The following SLCO3A1 variants were observed in gnomAD, a reference collection of about 807,000 sequenced individuals.
SLCO3A1 encodes PGE1 transporter.
In SLCO3A1, 27 loss-of-function variants were observed where a neutral mutation model predicts 63.1. The ratio of observed to expected loss-of-function variants is 0.43; its 90% CI spans 0.32 to 0.59. The LOEUF (loss-of-function observed/expected upper bound fraction) is 0.59, where lower values mean the gene tolerates loss of function less well. SLCO3A1 is among the 20% of genes least tolerant of loss of function. SLCO3A1 has a pLI of 0.09. For synonymous variants in SLCO3A1, 473 were observed against 409.9 expected, an observed-to-expected ratio of 1.15 and a Z score of -1.86; for missense variants, 773 against 945.8, an observed-to-expected ratio of 0.82 and a Z score of 2.40.
At chr15:91,903,802 T>G (rs1898222477) in intron 1 of SLCO3A1, among the ~76,000 whole-genome samples, 1 of 152,196 alleles carries the variant, frequency 6.6e-6, no homozygotes, top group Admixed American at 6.5e-5. Context: ...TTGACTGAGG[T>G]GTACCGAGCA....
rs1339436845 is a variant in SLCO3A1, at chr15:91,900,589, A to G, written c.181-15404A>G. Among the ~76,000 whole-genome samples, 1 of 152,130 alleles carries G rather than the reference A, an allele frequency of 6.6e-6. No individual in the cohort carries two copies. The highest frequency in any genetic ancestry group is 2.4e-5 in the African/African-American group (1 of 41,412). On this transcript the variant is annotated intron_variant, in intron 1 of 9. Coordinates refer to ENST00000318445, the MANE Select transcript of SLCO3A1 (RefSeq NM_013272.4). The surrounding 1 kb of genome is among the most constrained non-coding windows in gnomAD (Gnocchi z 4.3). ...GGTGATCCGCCCGCCTTGGCCTCCC[A>G]AAGTGCTGGGATTACAGGTGTGAGC...
At chr15:92,025,501 A>G (rs1384921438) in intron 2 of SLCO3A1, among the ~76,000 whole-genome samples, 1 of 152,226 alleles carries the variant, frequency 6.6e-6, no homozygotes, top group Non-Finnish European at 1.5e-5. Flanking sequence ...TACTGTGGCT[A>G]GCAAACATAT....
At chr15:91,892,797 T>A (rs1056418068) in intron 1 of SLCO3A1, among the ~76,000 whole-genome samples, 1 of 152,234 alleles carries the variant, frequency 6.6e-6, no homozygotes, top group African/African-American at 2.4e-5. Context: ...CCCCAGTAAG[T>A]TTCTGAAATC....
intron 2 of SLCO3A1, among the ~76,000 whole-genome samples, chr15:92,057,104 T>G (rs2047030650): frequency 1.3e-5 from 2 of 152,196 alleles, no homozygotes; most frequent in Non-Finnish European, 2.9e-5. Flanking sequence ...TGCTCTGCTG[T>G]GCCCGTCTCA....
At chr15:92,151,499 A>G (rs952558536) in intron 9 of SLCO3A1, among the ~76,000 whole-genome samples, 1 of 152,134 alleles carries the variant, frequency 6.6e-6, no homozygotes, top group Non-Finnish European at 1.5e-5. Flanking sequence ...CCTTCATGCT[A>G]TAGGGCCCAC....
At chr15:91,929,684 A>G (rs796317600) in intron 2 of SLCO3A1, among the ~76,000 whole-genome samples, 13 of 152,300 alleles carry the variant, frequency 8.5e-5, no homozygotes, top group African/African-American at 2.4e-4. Flanking sequence ...TACCTCTTCA[A>G]CAACAACTCC....
At chr15:91,926,573 G>GTA (rs1413995881) in intron 2 of SLCO3A1, among the ~76,000 whole-genome samples, 2 of 96,592 alleles carry the variant, frequency 2.1e-5, no homozygotes, top group African/African-American at 9.2e-5. Context: ...GTGTGTGTGT[G>GTA]TGTGTGTGTG....
rs192406287 is a variant in SLCO3A1, at chr15:92,088,665, A to G, written c.647-6216A>G. Among the ~76,000 whole-genome samples the G allele has an allele frequency of 2.4e-3, 365 of 152,314 alleles. 4 individuals are homozygous for G. The highest frequency in any genetic ancestry group is 7.8e-3 in the African/African-American group (324 of 41,560). ...TGTTTTGTTGCCTTCTCCAGCTTCT[A>G]TAGGCTGCCCACAAGCTTTGGCTCA... On this transcript the variant is annotated intron_variant, in intron 2 of 9. Transcript: ENST00000318445.
At chr15:91,977,562 G>T (rs557106800) in intron 2 of SLCO3A1, among the ~76,000 whole-genome samples, 1 of 152,284 alleles carries the variant, frequency 6.6e-6, no homozygotes, top group South Asian at 2.1e-4. Context: ...TAAGCTATGA[G>T]GACATAAAGG....
intron 4 of SLCO3A1, among the ~76,000 whole-genome samples, chr15:92,112,935 T>G (rs984934284): frequency 6.6e-6 from 1 of 152,216 alleles, no homozygotes; most frequent in Non-Finnish European, 1.5e-5. Flanking sequence ...CCTCCATTGT[T>G]GGAGTTTTCA....
intron 2 of SLCO3A1, among the ~76,000 whole-genome samples, chr15:92,050,628 T>G (rs1312960202): frequency 2.6e-5 from 4 of 152,242 alleles, no homozygotes; most frequent in Non-Finnish European, 5.9e-5. Flanking sequence ...TCCACTGTGC[T>G]AGTCCTGGCC....
intron 5 of SLCO3A1, among the ~76,000 whole-genome samples, chr15:92,124,557 CT>C (rs1419124842): frequency 6.6e-6 from 1 of 152,130 alleles, no homozygotes; most frequent in Non-Finnish European, 1.5e-5. Context: ...CCACTCCGTG[CT>C]GGGTACCATG....
intron 2 of SLCO3A1, among the ~76,000 whole-genome samples, chr15:92,028,857 C>T (rs574591313): frequency 1.3e-5 from 2 of 148,628 alleles, no homozygotes; most frequent in African/African-American, 5.0e-5. Context: ...TTGCTTTTTG[C>T]TGGCGTATCA....
chr15:92,115,723 T>A (rs536570207), intron 4 of SLCO3A1, among the ~76,000 whole-genome samples: 34 of 149,772 alleles, frequency 2.3e-4, no homozygotes, highest in African/African-American at 7.8e-4. Flanking sequence ...GCAAAACCTT[T>A]TCTACAGTAC....
In SLCO3A1 at chr15:92,163,949, CTA is replaced by C; in HGVS notation, c.*816_*817del. On this transcript the variant is annotated 3_prime_UTR_variant, in exon 10 of 10. Transcript: ENST00000318445. ...TCAGGAAGCAGTAGGCCTCGCCTGG[CTA>C]TGACTGACCCGGCTCAGAGCTGGTG... The C allele has an allele frequency of 1.0e-6, 1 of 985,454 alleles. No homozygotes were observed. The highest frequency in any genetic ancestry group is 1.2e-6 in the Non-Finnish European group (1 of 829,958). The allele number at this position is 985,454 out of a possible 1,614,324, so 61.0% of individuals were successfully genotyped here.
At chr15:92,115,950 C>T (rs981384079) in intron 4 of SLCO3A1, among the ~76,000 whole-genome samples, 2 of 151,874 alleles carry the variant, frequency 1.3e-5, no homozygotes, top group Non-Finnish European at 2.9e-5. Flanking sequence ...TTAAGCTGCA[C>T]CTTTGACTAC....
At chr15:92,143,153 C>T (rs1379516708) in intron 7 of SLCO3A1, among the ~76,000 whole-genome samples, 1 of 149,784 alleles carries the variant, frequency 6.7e-6, no homozygotes, top group African/African-American at 2.5e-5. Context: ...CACAGCCACC[C>T]ACAAGGGGCC....
chr15:91,988,905 A>G (rs952763106), intron 2 of SLCO3A1, among the ~76,000 whole-genome samples: 2 of 152,188 alleles, frequency 1.3e-5, no homozygotes, highest in Non-Finnish European at 2.9e-5. Flanking sequence ...ATGGCTGCAA[A>G]AAGAATGAGG....
rs937527989 is a variant in SLCO3A1, at chr15:91,863,021, A to G, written c.180+8933A>G. Reference sequence around the variant, plus strand: ...GGTTGAAATTGGGAGAGCTGCCCTCAGCTGATTATATAAGCTATAAAATAC... The same window carrying G: ...GGTTGAAATTGGGAGAGCTGCCCTCGGCTGATTATATAAGCTATAAAATAC... On this transcript the variant is annotated intron_variant, in intron 1 of 9. Coordinates refer to ENST00000318445, the MANE Select transcript of SLCO3A1 (RefSeq NM_013272.4). This position sits in a 1 kb window ranked among gnomAD's most constrained non-coding sequence, Gnocchi z 4.3. Among the ~76,000 whole-genome samples the G allele has an allele frequency of 6.6e-6, 1 of 152,236 alleles. No individual in the cohort carries two copies. The highest frequency in any genetic ancestry group is 2.4e-5 in the African/African-American group (1 of 41,450).
Sources: gnomAD v4.1 joint callset for allele counts (sites outside exome capture counted in the v4.1 genomes callset) on GRCh38, gnomAD v4.1.1 for gene constraint, Gnocchi (gnomAD v3.1) non-coding constraint, MANE v1.5 for transcripts, NCBI Gene and HGNC (gene_info 2026-07-23, HGNC 2026-07-21) for gene names.